ABCC3: variants seen among roughly 807,000 people sequenced by gnomAD.
ABCC3 encodes ATP binding cassette subfamily C member 3.
Under a neutral mutation model 165.3 loss-of-function variants are expected in ABCC3, and 121 were observed. That is an observed-to-expected ratio of 0.73 (90% CI 0.63 to 0.85). ABCC3 has a LOEUF of 0.85. Among genes scored for constraint, ABCC3 ranks in the 40% least tolerant of loss-of-function variants. The pLI, the probability that ABCC3 is intolerant of heterozygous loss-of-function variation, is 0.00. For synonymous variants in ABCC3, 733 were observed against 810.1 expected (o/e 0.90, Z 1.62); for missense variants, 1,869 against 1,964.1 (o/e 0.95, Z 0.92).
At chr17:50,669,764 C>T (rs909212843) in intron 17 of ABCC3, among the ~76,000 whole-genome samples, 3 of 151,070 alleles carry the variant, frequency 2.0e-5, no homozygotes, top group Non-Finnish European at 3.0e-5. Flanking sequence ...GAGGGCACAG[C>T]AGGGAGCCTA....
chr17:50,655,891 C>T lies in ABCC3; in HGVS notation c.105C>T (p.Ser35=). The change falls in exon 2 of 31, where the codon TCC becomes TCT. Residue 35 remains serine (S), a synonymous_variant. Coordinates refer to ENST00000285238, the MANE Select transcript of ABCC3 (RefSeq NM_003786.4). ...ACCTCACTCCCTGCTTCCAGAACTC[C>T]CTGCTGGCCTGGGTGCCCTGCATCT... The part of the protein sequence containing the change: ...NPDLTPCFQN[S]LLAWVPCIYL... The T allele has an allele frequency of 6.2e-7, 1 of 1,613,988 alleles. No individual in the cohort carries two copies.
intron 19 of ABCC3, chr17:50,674,380 C>T (rs1180986615): frequency 6.6e-6 from 1 of 152,084 alleles, no homozygotes; most frequent in South Asian, 2.1e-4. Flanking sequence ...GCCTGTTTTC[C>T]ATCTGTTGAA....
At chr17:50,647,083 T>C (rs954714670) in intron 1 of ABCC3, among the ~76,000 whole-genome samples, 7 of 152,174 alleles carry the variant, frequency 4.6e-5, no homozygotes, top group African/African-American at 1.7e-4. Context: ...TTCACCATGT[T>C]GGTCAGGCTG....
chr17:50,644,310 C>CAA (rs57937379), intron 1 of ABCC3, among the ~76,000 whole-genome samples: 6,578 of 51,060 alleles, frequency 0.13, 744 homozygotes, highest in East Asian at 0.32. Context: ...GACTCCGTCT[C>CAA]AAAAAAAAAA....
intron 29 of ABCC3, chr17:50,687,217 G>A: frequency 2.7e-6 from 1 of 368,320 alleles, no homozygotes; most frequent in Non-Finnish European, 5.0e-6. Flanking sequence ...GGCTGATAGA[G>A]TGAAGCAGAG....
rs1163741242 is a variant in ABCC3, at chr17:50,674,034, C to CTCTTTCTTTCTTTCTTTCTT, written c.2599+398_2599+417dup. On this transcript the variant is annotated intron_variant, in intron 19 of 30. Transcript: ENST00000285238. ...TCTCTCTCTCTCTCTCTCTCTCTCTCTCTTTCTTTCTTTCTTTCTTTCTTT... is the reference window on the plus strand; with the variant it reads ...TCTCTCTCTCTCTCTCTCTCTCTCTCTCTTTCTTTCTTTCTTTCTTTCTTTCTTTCTTTCTTTCTTTCTTT... Among the ~76,000 whole-genome samples the CTCTTTCTTTCTTTCTTTCTT allele has an allele frequency of 6.7e-4, 3 of 4,506 alleles. 1 individual carries two copies. The highest frequency in any genetic ancestry group is 1.2e-3 in the Non-Finnish European group (3 of 2,588). The allele number at this position is 4,506 out of a possible 152,430, so 3.0% of individuals were successfully genotyped here. A position where few individuals can be genotyped will look rare whatever the true frequency, so the allele number is the denominator to read the frequency against.
intron 17 of ABCC3, among the ~76,000 whole-genome samples, chr17:50,670,907 G>C (rs1967634249): frequency 6.6e-6 from 1 of 152,144 alleles, no homozygotes; most frequent in Non-Finnish European, 1.5e-5. Context: ...ATGGAACACT[G>C]GGGAAAATTT....
Position 50,676,372 on chromosome 17 carries a change from C to T in ABCC3, c.3162C>T (p.Arg1054=), listed in dbSNP as rs909800506. The change falls in exon 23 of 31, where the codon CGC becomes CGT. Residue 1054 remains arginine (R), a synonymous_variant. Coordinates refer to ENST00000285238, the MANE Select transcript of ABCC3 (RefSeq NM_003786.4). ...AGGCACTGCTGCACAACAAGATACG[C>T]TCGCCACAGTCCTTCTTTGACACCA... ...LHQALLHNKI[R]SPQSFFDTTP... is the part of the protein sequence containing the mutation. 11 of 1,614,216 alleles carry T rather than the reference C, an allele frequency of 6.8e-6. No homozygotes were observed. The highest frequency in any genetic ancestry group is 9.3e-6 in the Non-Finnish European group (11 of 1,180,008).
chr17:50,640,456 G>C (rs1345655921), intron 1 of ABCC3, among the ~76,000 whole-genome samples: 4 of 152,238 alleles, frequency 2.6e-5, no homozygotes, highest in Admixed American at 6.5e-5. Flanking sequence ...AGTTGAGCCC[G>C]TGAGCCATCC....
At chr17:50,674,864 A>T (rs554282630) in intron 19 of ABCC3, among the ~76,000 whole-genome samples, 2 of 145,756 alleles carry the variant, frequency 1.4e-5, no homozygotes, top group Admixed American at 1.4e-4. Flanking sequence ...CAACGGTGCG[A>T]TCTTGGCTCA....
chr17:50,674,736 C>G (rs1967763740), intron 19 of ABCC3, among the ~76,000 whole-genome samples: 1 of 151,978 alleles, frequency 6.6e-6, no homozygotes, highest in African/African-American at 2.4e-5. Context: ...GAGCATTTAC[C>G]AAGTGCTGTG....
intron 23 of ABCC3, 23 bp from the exon 24 acceptor site, chr17:50,677,721 C>G (rs753459482): frequency 6.2e-7 from 1 of 1,611,158 alleles, no homozygotes; most frequent in Admixed American, 1.7e-5. Context: ...GCCCTGACCC[C>G]AAACTCCTTC....
intron 5 of ABCC3, 91 bp downstream of exon 5, chr17:50,658,298 A>C: frequency 6.2e-7 from 1 of 1,600,200 alleles, no homozygotes; most frequent in Non-Finnish European, 8.6e-7. Context: ...GTTCCTTTCA[A>C]AGTGGGAGAG....
At chr17:50,637,867 C>G (rs757795878) in intron 1 of ABCC3, among the ~76,000 whole-genome samples, 3 of 152,088 alleles carry the variant, frequency 2.0e-5, no homozygotes, top group Non-Finnish European at 4.4e-5. Context: ...GTAGGGCTGT[C>G]GGGCCAGTGG....
chr17:50,648,445 A>C (rs1326925741), intron 1 of ABCC3, among the ~76,000 whole-genome samples: 2 of 152,226 alleles, frequency 1.3e-5, no homozygotes, highest in Non-Finnish European at 2.9e-5. Context: ...GCCACCTCAC[A>C]GAAGACCAGC....
chr17:50,667,909 A>G lies in ABCC3; in HGVS notation c.1682A>G (p.Asn561Ser), dbSNP rs764292157. 3.2e-5 allele frequency: 51 copies of G among 1,613,900 alleles called. No individual in the cohort carries two copies. The highest frequency in any genetic ancestry group is 4.3e-5 in the Non-Finnish European group (51 of 1,179,958). The change falls in exon 13 of 31, where the codon AAT (asparagine) becomes AGT (serine). Residue 561 changes from asparagine (N) to serine (S), a missense_variant. By Grantham distance (46) the Asn-to-Ser change is conservative (BLOSUM62 1). Transcript: ENST00000285238. The part of the protein sequence containing the change: ...LWVYVYVDPN[N>S]VLDAEKAFVS... Reference sequence around the variant, plus strand: ...GTGTACGTGTACGTGGACCCAAACAATGTGCTGGACGCCGAGAAGGCCTTT... The same window carrying G: ...GTGTACGTGTACGTGGACCCAAACAGTGTGCTGGACGCCGAGAAGGCCTTT...
intron 8 of ABCC3, among the ~76,000 whole-genome samples, chr17:50,661,478 A>C (rs1298430088): frequency 6.6e-6 from 1 of 152,190 alleles, no homozygotes; most frequent in Non-Finnish European, 1.5e-5. Flanking sequence ...CAAAGAAGGA[A>C]TCAGGTCTGA....
chr17:50,682,648 G>A (rs1359422710), intron 26 of ABCC3, among the ~76,000 whole-genome samples: 1 of 152,136 alleles, frequency 6.6e-6, no homozygotes, highest in Non-Finnish European at 1.5e-5. Flanking sequence ...CCTCCAGGAA[G>A]CCTTCCCTGA....
At chr17:50,638,449 G>A (rs1487739358) in intron 1 of ABCC3, among the ~76,000 whole-genome samples, 1 of 152,186 alleles carries the variant, frequency 6.6e-6, no homozygotes, top group Non-Finnish European at 1.5e-5. Context: ...GTAAGGACAT[G>A]GTTAGTGACT....
Sources: allele counts gnomAD v4.1 joint callset (sites outside exome capture counted in the v4.1 genomes callset), GRCh38; gene constraint gnomAD v4.1.1; transcripts MANE v1.5; gene names NCBI Gene and HGNC (gene_info 2026-07-23, HGNC 2026-07-21).